NOTCH1: variants seen among roughly 807,000 people sequenced by gnomAD.
NOTCH1 encodes neurogenic locus notch homolog protein 1.
In NOTCH1, 37 loss-of-function variants were observed where a neutral mutation model predicts 254.8. That is an observed-to-expected ratio of 0.15 (90% CI 0.11 to 0.19). The LOEUF (loss-of-function observed/expected upper bound fraction) is 0.19, where lower values mean the gene tolerates loss of function less well. NOTCH1 is among the 10% of genes least tolerant of loss of function. NOTCH1 has a pLI of 1.00. For synonymous variants in NOTCH1, 1,731 were observed against 1,618.1 expected (o/e 1.07, Z -1.68); for missense variants, 2,972 against 3,708.6 (o/e 0.80, Z 5.16).
chr9:136,526,395 C>A (rs1045761416), intron 2 of NOTCH1, among the ~76,000 whole-genome samples: 3 of 152,248 alleles, frequency 2.0e-5, no homozygotes, highest in East Asian at 1.9e-4. Context: ...GGACAGAGGG[C>A]GCTCGGTCAT....
At chr9:136,526,810 C>T (rs1420946542) in intron 2 of NOTCH1, among the ~76,000 whole-genome samples, 1 of 152,216 alleles carries the variant, frequency 6.6e-6, no homozygotes, top group Non-Finnish European at 1.5e-5. Flanking sequence ...AATCAGGCGT[C>T]GGTGCTCGGA....
chr9:136,510,361 G>T, intron 17 of NOTCH1: 1 of 579,246 alleles, frequency 1.7e-6, no homozygotes, highest in Non-Finnish European at 3.1e-6. Flanking sequence ...GGGGCCCGAT[G>T]AGCCAGGCGG....
At chr9:136,535,859 A>G (rs1252382432) in intron 2 of NOTCH1, among the ~76,000 whole-genome samples, 8 of 49,572 alleles carry the variant, frequency 1.6e-4, no homozygotes, top group Non-Finnish European at 2.9e-4. Flanking sequence ...GATCCCTCCC[A>G]GGGGCAATGG....
At chr9:136,503,534 T>G (rs1001481169) in intron 26 of NOTCH1, among the ~76,000 whole-genome samples, 1 of 152,160 alleles carries the variant, frequency 6.6e-6, no homozygotes, top group African/African-American at 2.4e-5. Flanking sequence ...CCAGTGCTGA[T>G]CACGGCTCAT....
At chr9:136,530,866 G>A (rs1025976018) in intron 2 of NOTCH1, among the ~76,000 whole-genome samples, 4 of 152,148 alleles carry the variant, frequency 2.6e-5, no homozygotes, top group South Asian at 2.1e-4. Flanking sequence ...CCACAGCAGC[G>A]CTGCTGGAGG....
intron 31 of NOTCH1, among the ~76,000 whole-genome samples, 154 bp downstream of exon 31, chr9:136,500,398 G>A (rs1015198063): frequency 2.0e-5 from 3 of 152,200 alleles, no homozygotes; most frequent in African/African-American, 4.8e-5. Context: ...CTCGCACCTC[G>A]CTGACTGCGA....
Position 136,496,649 on chromosome 9 carries a change from T to C in NOTCH1, c.7090A>G (p.Ser2364Gly), listed in dbSNP as rs201045092. 243 of 1,612,938 alleles carry C rather than the reference T, an allele frequency of 1.5e-4. 3 individuals are homozygous for C. The highest frequency in any genetic ancestry group is 5.5e-4 in the Admixed American group (33 of 60,012). The change falls in exon 34 of 34, where the codon AGC becomes GGC. Residue 2364 changes from serine to glycine, a missense_variant. By Grantham distance (56) the Ser-to-Gly change is moderately conservative (BLOSUM62 0). Coordinates refer to ENST00000651671, the MANE Select transcript of NOTCH1 (RefSeq NM_017617.5). The stretch of plus-strand genomic sequence containing the variant: ...CGGGTGCTGGGCAGGCCCTGGTAGC[T>C]CATCATCTGGGACAGGGCGCTGGCA... ...LAASALSQMM[S>G]YQGLPSTRLA...
In NOTCH1 at chr9:136,505,082, T is replaced by C. The variant is rs775362416; in HGVS notation, c.4609A>G (p.Lys1537Glu). The part of the protein sequence containing the change: ...QCNPLYDQYC[K>E]DHFSDGHCDQ... ...CAGTGCCCGTCGCTGAAGTGGTCCT[T>C]GCAGTACTGGTCGTACAGGGGGCTG... The change falls in exon 26 of 34, where the codon AAG (lysine) becomes GAG (glutamate). Residue 1537 changes from lysine (K) to glutamate (E), a missense_variant. Coordinates refer to ENST00000651671, the MANE Select transcript of NOTCH1 (RefSeq NM_017617.5). 1.2e-6 allele frequency: 2 copies of C among 1,610,536 alleles called. No homozygotes were observed. The highest frequency in any genetic ancestry group is 1.7e-5 in the Admixed American group (1 of 59,984).
chr9:136,529,890 C>T (rs1251331738), intron 2 of NOTCH1, among the ~76,000 whole-genome samples: 1 of 152,236 alleles, frequency 6.6e-6, no homozygotes, highest in Non-Finnish European at 1.5e-5. Flanking sequence ...TTGGGGGCTG[C>T]GATGTGGGAT....
chr9:136,522,570 G>T (rs879273430), intron 4 of NOTCH1: 5 of 483,630 alleles, frequency 1.0e-5, no homozygotes, highest in African/African-American at 8.2e-5. Context: ...GCCTGCACTG[G>T]GGGGAGGCAG....
chr9:136,507,916 C>T (rs955746174), intron 21 of NOTCH1, 39 bp downstream of exon 21: 13 of 1,602,954 alleles, frequency 8.1e-6, no homozygotes, highest in Admixed American at 1.7e-5. Context: ...TGGCAACACT[C>T]GTGCCGGCCA....
chr9:136,512,133 G>A (rs933849508), intron 15 of NOTCH1, among the ~76,000 whole-genome samples: 8 of 152,208 alleles, frequency 5.3e-5, no homozygotes, highest in Admixed American at 4.6e-4. Context: ...CAGCACCGCC[G>A]CTCCTCCTGC....
At chr9:136,498,859 A>G (rs2133321271) in intron 33 of NOTCH1, 40 bp downstream of exon 33, 1 of 1,604,628 alleles carries the variant, frequency 6.2e-7, no homozygotes, top group Non-Finnish European at 8.5e-7. Context: ...CTGTGGATTC[A>G]GCCCTCACGT....
Position 136,508,317 on chromosome 9 carries a change from CTGGGTG to C in NOTCH1, c.3234_3239del (p.His1078_Thr1079del), listed in dbSNP as rs1432857838. ...AGCCGCTGGGGCACTCGCAGCGGTA[CTGGGTG>C]TGGGTCTGCCAGCATTTGCCGCCGT... is the stretch of plus-strand genomic sequence containing the variant. On this transcript the variant is annotated inframe_deletion, in exon 20 of 34. Transcript: ENST00000651671. 6.2e-7 allele frequency: 1 copy of C among 1,612,900 alleles called. No individual in the cohort carries two copies. The highest frequency in any genetic ancestry group is 8.5e-7 in the Non-Finnish European group (1 of 1,180,016).
chr9:136,545,593 G>A lies in NOTCH1; in HGVS notation c.61+133C>T. The A allele has an allele frequency of 1.5e-6, 1 of 647,462 alleles. No homozygotes were observed. The highest frequency in any genetic ancestry group is 2.4e-6 in the Non-Finnish European group (1 of 420,556). The allele number at this position is 647,462 out of a possible 1,614,324, so 40.1% of individuals were successfully genotyped here. A position where few individuals can be genotyped will look rare whatever the true frequency, so the allele number is the denominator to read the frequency against. On this transcript the variant is annotated intron_variant, in intron 1 of 33. Transcript: ENST00000651671. This position sits in a 1 kb window ranked among gnomAD's most constrained non-coding sequence, Gnocchi z 6.8. ...CCGGGACTCCAGAACCCCACGCCCC[G>A]GGCCGCCCGCTTTTCCCTCTCCATG... is the stretch of plus-strand genomic sequence containing the variant.
At chr9:136,516,710 G>T (rs1182359561) in intron 9 of NOTCH1, among the ~76,000 whole-genome samples, 1 of 152,120 alleles carries the variant, frequency 6.6e-6, no homozygotes, top group East Asian at 1.9e-4. Flanking sequence ...GCAGCTCCTG[G>T]TATACCCTTC....
In NOTCH1 at chr9:136,506,537, T is replaced by G; in HGVS notation, c.4004A>C (p.Lys1335Thr). 6.2e-7 allele frequency: 1 copy of G among 1,602,716 alleles called. No homozygotes were observed. Among genetic ancestry groups the G allele is most frequent in the South Asian group, 1.1e-5 (1 of 89,142 alleles). ...ASNTARGFICKCPAGFEGATC... is the reference protein window; with the variant it reads ...ASNTARGFICTCPAGFEGATC... ...CACCCCTGCACCTACCGCAGGGCAC[T>G]TGCAGATGAACCCGCGGGCGGTGTT... Residue 1335 changes from lysine to threonine, a missense_variant, in exon 24 of 34, where the codon AAG (lysine) becomes ACG (threonine). Physicochemically the swap from Lys to Thr is moderately conservative, Grantham distance 78. This residue lies in a region of NOTCH1 where 1,343 missense variants were observed against 1,557.0 expected (regional missense o/e 0.86). Transcript: ENST00000651671. This position sits in a 1 kb window ranked among gnomAD's most constrained non-coding sequence, Gnocchi z 4.5.
chr9:136,507,253 C>T lies in NOTCH1; in HGVS notation c.3643+52G>A, dbSNP rs138470407. ...CCGGTCCCGGGGTGCCTGCCCTGCC[C>T]CTGCCCTGGCCATGGATGGCCAACA... On this transcript the variant is annotated intron_variant, in intron 22 of 33. Coordinates refer to ENST00000651671, the MANE Select transcript of NOTCH1 (RefSeq NM_017617.5). The T allele has an allele frequency of 3.1e-3, 4,919 of 1,612,312 alleles. 13 individuals are homozygous for T. Among genetic ancestry groups the T allele is most frequent in the Admixed American group, 3.8e-3 (230 of 60,010 alleles).
rs374624253 is a variant in NOTCH1 at position 136,506,677 on chromosome 9, C to A, written c.3902-38G>T. 225 of 1,596,794 alleles carry A rather than the reference C, an allele frequency of 1.4e-4. 1 individual carries two copies. The African/African-American group carries it at 2.7e-3, about 19-fold the overall frequency. On this transcript the variant is annotated intron_variant, in intron 23 of 33. Coordinates refer to ENST00000651671, the MANE Select transcript of NOTCH1 (RefSeq NM_017617.5). The surrounding 1 kb of genome is among the most constrained non-coding windows in gnomAD (Gnocchi z 4.5). Reference sequence around the variant, plus strand: ...GCAGGGCAGTGAGAGGCTCACCCTGCTGCCCCACACGCCCCACCCGCCTGG... The same window carrying A: ...GCAGGGCAGTGAGAGGCTCACCCTGATGCCCCACACGCCCCACCCGCCTGG...
Sources: gnomAD v4.1 joint callset for allele counts (sites outside exome capture counted in the v4.1 genomes callset) on GRCh38, gnomAD v4.1.1 for gene constraint, gnomAD v4.1.1 regional missense constraint, Gnocchi (gnomAD v3.1) non-coding constraint, MANE v1.5 for transcripts, NCBI Gene and HGNC (gene_info 2026-07-23, HGNC 2026-07-21) for gene names.